NTM: variants seen among roughly 807,000 people sequenced by gnomAD.
NTM encodes neurotrimin.
A neutral mutation model predicts 42.1 loss-of-function variants in NTM; 13 were observed. The observed-to-expected ratio is 0.31, with a 90% CI of 0.20 to 0.49. The LOEUF (loss-of-function observed/expected upper bound fraction) is 0.49, where lower values mean the gene tolerates loss of function less well. Among genes scored for constraint, NTM ranks in the 20% least tolerant of loss-of-function variants. The pLI is 0.99. For missense variants in NTM, 373 were observed against 452.8 expected (o/e 0.82, Z 1.60); for synonymous variants, 187 against 179.2 (o/e 1.04, Z -0.35).
intron 4 of NTM, among the ~76,000 whole-genome samples, chr11:132,227,589 C>T (rs936783328): frequency 5.3e-5 from 8 of 151,772 alleles, no homozygotes; most frequent in African/African-American, 4.8e-5. Context: ...CTCTGTTGTT[C>T]CTCCTCCTCA....
At position 131,673,520 on chromosome 11, in the gene NTM, G is replaced by T. The variant is rs565653454; in HGVS notation, c.83-238044G>T. On this transcript the variant is annotated intron_variant, in intron 1 of 8. Transcript: ENST00000683400. The stretch of plus-strand genomic sequence containing the variant: ...TTCTTCTTATCTCTTCATCATCTGG[G>T]TCACCTGCCCACCTCTGGACAAAGC... Among the ~76,000 whole-genome samples, 11 of 152,168 alleles carry T rather than the reference G, an allele frequency of 7.2e-5. No homozygotes were observed. The East Asian group carries it at 2.1e-3, about 29-fold the overall frequency.
intron 2 of NTM, among the ~76,000 whole-genome samples, chr11:131,912,105 C>T (rs994015593): frequency 6.6e-6 from 1 of 152,214 alleles, no homozygotes; most frequent in African/African-American, 2.4e-5. Context: ...CCAGCCCTGG[C>T]TCCTGCACTC....
chr11:131,873,565 ATATATATACATATATATATACCG>A lies in NTM; in HGVS notation c.83-37990_83-37968del, dbSNP rs2048044464. ...ATATATATACATATATATATACCGT[ATATATATACATATATATATACCG>A]TATATATATACATATATATATACCG... On this transcript the variant is annotated intron_variant, in intron 1 of 8. Coordinates refer to ENST00000683400, the MANE Select transcript of NTM (RefSeq NM_001352005.2). 1.2e-4 allele frequency among the ~76,000 whole-genome samples: 6 copies of A among 48,606 alleles called. No individual in the cohort carries two copies. In the South Asian group the frequency reaches 2.5e-3, roughly 20 times the overall value. The allele number at this position is 48,606 out of a possible 152,430, so 31.9% of individuals were successfully genotyped here. A position where few individuals can be genotyped will look rare whatever the true frequency, so the allele number is the denominator to read the frequency against.
At chr11:131,845,842 A>G (rs2044836854) in intron 1 of NTM, among the ~76,000 whole-genome samples, 1 of 152,132 alleles carries the variant, frequency 6.6e-6, no homozygotes, top group Non-Finnish European at 1.5e-5. Flanking sequence ...TTCCCTATAC[A>G]TAAGAATGAC....
intron 1 of NTM, among the ~76,000 whole-genome samples, chr11:131,474,708 A>G (rs933951984): frequency 1.3e-5 from 2 of 152,090 alleles, no homozygotes; most frequent in Admixed American, 1.3e-4. Flanking sequence ...TTTTTATTTC[A>G]AATATAGGCC....
chr11:132,221,581 G>A (rs984542130), intron 4 of NTM, among the ~76,000 whole-genome samples: 3 of 152,240 alleles, frequency 2.0e-5, no homozygotes, highest in Admixed American at 6.5e-5. Flanking sequence ...GCATCACCTA[G>A]TTCATGCCCC....
At chr11:131,909,624 G>A (rs1365139739) in intron 1 of NTM, 2 of 152,280 alleles carry the variant, frequency 1.3e-5, no homozygotes, top group Admixed American at 1.3e-4. Context: ...CACCACCACT[G>A]TGCCTGCTGA....
chr11:131,666,721 T>C (rs1454637283), intron 1 of NTM, among the ~76,000 whole-genome samples: 1 of 152,116 alleles, frequency 6.6e-6, no homozygotes, highest in Non-Finnish European at 1.5e-5. Context: ...CACAAATGGA[T>C]AAGATCAGTG....
intron 2 of NTM, among the ~76,000 whole-genome samples, chr11:131,991,760 G>A (rs554509808): frequency 2.0e-5 from 3 of 152,284 alleles, no homozygotes; most frequent in African/African-American, 7.2e-5. Flanking sequence ...AAGAAAGGGG[G>A]AATGCATTCT....
At chr11:131,688,588 G>T (rs1246649842) in intron 1 of NTM, among the ~76,000 whole-genome samples, 2 of 152,214 alleles carry the variant, frequency 1.3e-5, no homozygotes, top group East Asian at 1.9e-4. Context: ...CTGTGCCCCG[G>T]GTTGCTCTTG....
chr11:132,001,580 G>A lies in NTM; in HGVS notation c.167+89932G>A, dbSNP rs183114536. 5.3e-5 allele frequency among the ~76,000 whole-genome samples: 8 copies of A among 152,132 alleles called. No homozygotes were observed. In the East Asian group the frequency reaches 1.6e-3, roughly 30 times the overall value. On this transcript the variant is annotated intron_variant, in intron 2 of 8. Coordinates refer to ENST00000683400, the MANE Select transcript of NTM (RefSeq NM_001352005.2). ...TCTCCACATGGTGAGAGAGGAAGCA[G>A]GAGAGAGAGGGTGGGGAGGAGGTAC...
At chr11:131,390,799 C>A (rs1943907471) in intron 1 of NTM, among the ~76,000 whole-genome samples, 1 of 152,172 alleles carries the variant, frequency 6.6e-6, no homozygotes, top group African/African-American at 2.4e-5. Flanking sequence ...CCCAGAGAGC[C>A]CTCTGACTCT....
At chr11:132,066,355 C>G (rs148318441) in intron 2 of NTM, among the ~76,000 whole-genome samples, 1 of 152,194 alleles carries the variant, frequency 6.6e-6, no homozygotes, top group Admixed American at 6.5e-5. Flanking sequence ...TGTATTAGAG[C>G]TAGCTGGATA....
At chr11:132,090,651 A>G (rs894091473) in intron 2 of NTM, among the ~76,000 whole-genome samples, 9 of 151,884 alleles carry the variant, frequency 5.9e-5, no homozygotes, top group African/African-American at 1.7e-4. Flanking sequence ...TGAATGCCCT[A>G]CTTTTCCTCA....
chr11:131,598,556 C>T (rs113358335), intron 1 of NTM, among the ~76,000 whole-genome samples: 4 of 152,074 alleles, frequency 2.6e-5, no homozygotes, highest in Non-Finnish European at 4.4e-5. Flanking sequence ...CGGAGAGCTC[C>T]CCCCTCCATT....
chr11:132,272,229 T>C (rs1161826501), intron 4 of NTM, among the ~76,000 whole-genome samples: 7 of 152,136 alleles, frequency 4.6e-5, no homozygotes, highest in Non-Finnish European at 1.0e-4. Flanking sequence ...TTTTATCCCA[T>C]TGTTCTATGT....
chr11:131,631,483 AT>A (rs1471471726), intron 1 of NTM, among the ~76,000 whole-genome samples: 2 of 152,202 alleles, frequency 1.3e-5, no homozygotes, highest in South Asian at 2.1e-4. Flanking sequence ...AATAAAAAAA[AT>A]GAAAGCCACT....
chr11:131,492,220 T>G (rs1349533339), intron 1 of NTM, among the ~76,000 whole-genome samples: 1 of 152,202 alleles, frequency 6.6e-6, no homozygotes, highest in Non-Finnish European at 1.5e-5. Flanking sequence ...CTAATAGCCC[T>G]GAAAAGTTGG....
At chr11:131,823,173 C>A (rs1753361676) in intron 1 of NTM, among the ~76,000 whole-genome samples, 1 of 152,200 alleles carries the variant, frequency 6.6e-6, no homozygotes, top group Non-Finnish European at 1.5e-5. Flanking sequence ...TGGTGATTGT[C>A]ACAGGGTATC....
Sources: allele counts gnomAD v4.1 joint callset (sites outside exome capture counted in the v4.1 genomes callset), GRCh38; gene constraint gnomAD v4.1.1; transcripts MANE v1.5; gene names NCBI Gene and HGNC (gene_info 2026-07-23, HGNC 2026-07-21).